RBM24: variants seen among roughly 807,000 people sequenced by gnomAD.
The protein encoded by RBM24 is RNA-binding protein 24.
A neutral mutation model predicts 23.6 loss-of-function variants in RBM24; 5 were observed. The ratio of observed to expected loss-of-function variants is 0.21; its 90% CI spans 0.11 to 0.45. The LOEUF (loss-of-function observed/expected upper bound fraction) is 0.45, where lower values mean the gene tolerates loss of function less well. Ranked by LOEUF, RBM24 falls within the 20% of genes least tolerant of loss-of-function variation. The probability of loss-of-function intolerance (pLI) is 0.99; values close to 1 mark genes in which losing one functional copy is unlikely to be tolerated. For missense variants in RBM24, 252 were observed against 314.6 expected (o/e 0.80, Z 1.51); for synonymous variants, 151 against 129.5 (o/e 1.17, Z -1.13).
At chr6:17,283,087 A>AG in intron 2 of RBM24, 159 bp downstream of exon 2, 1 of 597,590 alleles carries the variant, frequency 1.7e-6, no homozygotes, top group Non-Finnish European at 3.0e-6. Flanking sequence ...CATAAATGAG[A>AG]GTTGTAAATA....
chr6:17,291,914 C>T lies in RBM24; in HGVS notation c.506C>T (p.Ala169Val). The T allele has an allele frequency of 6.2e-7, 1 of 1,613,638 alleles. No homozygotes were observed. Among genetic ancestry groups the T allele is most frequent in the Non-Finnish European group, 8.5e-7 (1 of 1,179,896 alleles). The part of the protein sequence containing the change: ...QYSAAAAAAA[A>V]AAAYDQYPYA... ...TCAGCAGCTGCTGCTGCTGCCGCCG[C>T]CGCTGCTGCCTATGACCAGTACCCC... Residue 169 changes from alanine to valine, a missense_variant, in exon 4 of 4, where the codon GCC (alanine) becomes GTC (valine). Coordinates refer to ENST00000379052, the MANE Select transcript of RBM24 (RefSeq NM_001143942.2).
In RBM24 at chr6:17,292,520, A is replaced by G. The variant is rs575790362; in HGVS notation, c.*401A>G. On this transcript the variant is annotated 3_prime_UTR_variant, in exon 4 of 4. Transcript: ENST00000379052. ...TGAACCAGGGAATACAGAGCGAGCA[A>G]TATGTAGCTTGAATTACATTTAAAA... The G allele has an allele frequency of 6.4e-6, 1 of 155,456 alleles. No individual in the cohort carries two copies. The highest frequency in any genetic ancestry group is 1.9e-4 in the East Asian group (1 of 5,282). 9.6% of individuals were successfully genotyped at this position (155,456 alleles called of 1,614,324 possible). A position where few individuals can be genotyped will look rare whatever the true frequency, so the allele number is the denominator to read the frequency against.
chr6:17,282,955 C>T lies in RBM24; in HGVS notation c.292+27C>T, dbSNP rs376234606. On this transcript the variant is annotated intron_variant, in intron 2 of 3. Coordinates refer to ENST00000379052, the MANE Select transcript of RBM24 (RefSeq NM_001143942.2). ...TGAGAAATGTCTGTCTCCCCTACCC[C>T]CCTCTCCAAGAACCCCCCATTTATG... 77 of 1,549,014 alleles carry T rather than the reference C, an allele frequency of 5.0e-5. No homozygotes were observed. The Admixed American group carries it at 8.9e-4, about 18-fold the overall frequency.
At position 17,291,865 on chromosome 6, in the gene RBM24, A is replaced by G. The variant is rs1760371100; in HGVS notation, c.457A>G (p.Thr153Ala). ...CTCCACCACCCCTTACATTGATTAC[A>G]CTGGAGCTGCATACGCACAATACTC... is the stretch of plus-strand genomic sequence containing the variant. ...AASTTPYIDY[T>A]GAAYAQYSAA... is the part of the protein sequence containing the mutation. Residue 153 changes from threonine to alanine, a missense_variant, in exon 4 of 4, where the codon ACT becomes GCT. Thr to Ala is a moderately conservative substitution (Grantham distance 58). Transcript: ENST00000379052. 7 of 1,613,872 alleles carry G rather than the reference A, an allele frequency of 4.3e-6. No individual in the cohort carries two copies. Among genetic ancestry groups the G allele is most frequent in the Non-Finnish European group, 5.9e-6 (7 of 1,179,976 alleles).
intron 3 of RBM24, chr6:17,289,085 A>G (rs1224657961): frequency 1.0e-6 from 1 of 985,492 alleles, no homozygotes; most frequent in Non-Finnish European, 1.2e-6. Context: ...GAAAATTACC[A>G]AAAGTGTCTT....
Position 17,282,909 on chromosome 6 carries a change from A to G in RBM24, c.273A>G (p.Lys91=), listed in dbSNP as rs760803047. 6.2e-7 allele frequency: 1 copy of G among 1,613,874 alleles called. No homozygotes were observed. Among genetic ancestry groups the G allele is most frequent in the Non-Finnish European group, 8.5e-7 (1 of 1,179,956 alleles). Residue 91 remains lysine (K), a synonymous_variant, in exon 2 of 4, where the codon AAA becomes AAG. Transcript: ENST00000379052. ...TGAACCTGGCATACTTAGGAGCAAAACCAAGGATCATGCAACCAGGTGAGA... is the reference window on the plus strand; with the variant it reads ...TGAACCTGGCATACTTAGGAGCAAAGCCAAGGATCATGCAACCAGGTGAGA... ...ANVNLAYLGA[K]PRIMQPGFAF... is the part of the protein sequence containing the mutation.
chr6:17,291,308 T>C (rs1048403489), intron 3 of RBM24, among the ~76,000 whole-genome samples: 2 of 151,678 alleles, frequency 1.3e-5, no homozygotes, highest in Non-Finnish European at 2.9e-5. Flanking sequence ...CAGAAGTGAA[T>C]AATTATGGAC....
At chr6:17,284,517 A>G in intron 2 of RBM24, 140 bp from the exon 3 acceptor site, 1 of 533,034 alleles carries the variant, frequency 1.9e-6, no homozygotes, top group Non-Finnish European at 3.3e-6. Context: ...ACTTTAAAAA[A>G]TATACATACA....
At chr6:17,288,241 C>A in intron 3 of RBM24, 6 of 985,388 alleles carry the variant, frequency 6.1e-6, no homozygotes, top group Non-Finnish European at 7.2e-6. Flanking sequence ...AGACAAAACT[C>A]TATTCTCTCA....
At chr6:17,283,029 T>G in intron 2 of RBM24, 101 bp downstream of exon 2, 1 of 819,188 alleles carries the variant, frequency 1.2e-6, no homozygotes, top group Non-Finnish European at 2.0e-6. Flanking sequence ...TCTGTAGATG[T>G]GTTTAGTAAA....
chr6:17,282,755 G>C, intron 1 of RBM24, 50 bp from the exon 2 acceptor site: 1 of 1,600,940 alleles, frequency 6.2e-7, no homozygotes, highest in Non-Finnish European at 8.5e-7. Flanking sequence ...TTTCCTTCAT[G>C]GGTTAATTTA....
In RBM24 at chr6:17,293,187, T is replaced by C. The variant is rs1214037687; in HGVS notation, c.*1068T>C. 3 of 152,634 alleles carry C rather than the reference T, an allele frequency of 2.0e-5. No individual in the cohort carries two copies. The highest frequency in any genetic ancestry group is 4.4e-5 in the Non-Finnish European group (3 of 68,034). The allele number at this position is 152,634 out of a possible 1,614,324, so 9.5% of individuals were successfully genotyped here. A position where few individuals can be genotyped will look rare whatever the true frequency, so the allele number is the denominator to read the frequency against. ...AATTCTTCAAAGGTTAATGATAATG[T>C]GGTTTATACTGTGCCTTAATAGTAA... is the stretch of plus-strand genomic sequence containing the variant. On this transcript the variant is annotated 3_prime_UTR_variant, in exon 4 of 4. Coordinates refer to ENST00000379052, the MANE Select transcript of RBM24 (RefSeq NM_001143942.2).
chr6:17,290,148 G>A (rs1391760259), intron 3 of RBM24: 3 of 1,194,018 alleles, frequency 2.5e-6, no homozygotes, highest in South Asian at 2.5e-5. Context: ...ATGGATGTTC[G>A]TTAATGAGTG....
intron 2 of RBM24, among the ~76,000 whole-genome samples, chr6:17,283,426 T>G (rs1760092895): frequency 6.6e-6 from 1 of 150,932 alleles, no homozygotes; most frequent in African/African-American, 2.4e-5. Context: ...AAAGGTTTTG[T>G]TTTTTTTTGA....
At chr6:17,282,500 T>G in intron 1 of RBM24, 1 of 482,350 alleles carries the variant, frequency 2.1e-6, no homozygotes, top group South Asian at 1.9e-5. Context: ...TTCCAAGAAT[T>G]TAGGCTTCCA....
intron 3 of RBM24, among the ~76,000 whole-genome samples, chr6:17,287,615 C>T (rs1317815819): frequency 2.0e-5 from 3 of 151,948 alleles, no homozygotes; most frequent in Non-Finnish European, 4.4e-5. Flanking sequence ...GCGAGACCAT[C>T]CTGGCTAACA....
chr6:17,289,475 CTA>C, intron 3 of RBM24: 1 of 985,434 alleles, frequency 1.0e-6, no homozygotes, highest in Middle Eastern at 5.2e-4. Context: ...GAAATCAAAA[CTA>C]TTTCCTAATG....
At chr6:17,289,358 C>G (rs1339600474) in intron 3 of RBM24, 2 of 985,272 alleles carry the variant, frequency 2.0e-6, no homozygotes, top group East Asian at 1.1e-4. Context: ...TTAAAATGTT[C>G]TAGGTTTTCA....
rs1481647752 is a variant in RBM24 at position 17,281,775 on chromosome 6, G to C, written c.168+26G>C. ...GTAAGTTGCACGGACTGGGGGTGACGGGGAGGGACGGAGTGGCGGCTGACC... is the reference window on the plus strand; with the variant it reads ...GTAAGTTGCACGGACTGGGGGTGACCGGGAGGGACGGAGTGGCGGCTGACC... On this transcript the variant is annotated intron_variant, in intron 1 of 3. Coordinates refer to ENST00000379052, the MANE Select transcript of RBM24 (RefSeq NM_001143942.2). The surrounding 1 kb of genome is among the most constrained non-coding windows in gnomAD (Gnocchi z 7.1). The C allele has an allele frequency of 5.2e-6, 8 of 1,545,682 alleles. No homozygotes were observed. The highest frequency in any genetic ancestry group is 6.1e-6 in the Non-Finnish European group (7 of 1,144,244).
Sources: gnomAD v4.1 joint callset for allele counts (sites outside exome capture counted in the v4.1 genomes callset) on GRCh38, gnomAD v4.1.1 for gene constraint, Gnocchi (gnomAD v3.1) non-coding constraint, MANE v1.5 for transcripts, NCBI Gene and HGNC (gene_info 2026-07-23, HGNC 2026-07-21) for gene names.